The following LUZP2 variants were observed in gnomAD, a reference collection of about 807,000 sequenced individuals.
The protein encoded by LUZP2 is leucine zipper protein 2.
LUZP2 carries 52 observed loss-of-function variants against 51.6 expected under a neutral mutation model. That is an observed-to-expected ratio of 1.01 (90% CI 0.81 to 1.27). The LOEUF is 1.27. LUZP2 is among the 50% of genes most tolerant of loss of function. The probability of loss-of-function intolerance (pLI) is 0.00; values close to 1 mark genes in which losing one functional copy is unlikely to be tolerated. For synonymous variants in LUZP2, 154 were observed against 137.3 expected (o/e 1.12, Z -0.85); for missense variants, 436 against 395.4 (o/e 1.10, Z -0.87).
Position 24,527,907 on chromosome 11 carries a change from T to C in LUZP2, c.62+30602T>C, listed in dbSNP as rs12279844. ...GAGCTGAATAGAGTGTGATTTATAATTGGTAGTGCTAAAGCATTTGGTTTT... is the reference window on the plus strand; with the variant it reads ...GAGCTGAATAGAGTGTGATTTATAACTGGTAGTGCTAAAGCATTTGGTTTT... On this transcript the variant is annotated intron_variant, in intron 1 of 11. Transcript: ENST00000336930. 4.1e-3 allele frequency among the ~76,000 whole-genome samples: 617 copies of C among 151,426 alleles called. 4 individuals are homozygous for C. Among genetic ancestry groups the C allele is most frequent in the African/African-American group, 0.014 (586 of 41,482 alleles).
At position 25,080,206 on chromosome 11, in the gene LUZP2, A is replaced by AT. The variant is rs1278630280; in HGVS notation, c.*1554dup. 6.6e-6 allele frequency: 1 copy of AT among 152,050 alleles called. No individual in the cohort carries two copies. Among genetic ancestry groups the AT allele is most frequent in the African/African-American group, 2.4e-5 (1 of 41,394 alleles). The allele number at this position is 152,050 out of a possible 1,614,324, so 9.4% of individuals were successfully genotyped here. ...CATGCTTTGAATTTTGAATTTTGTT[A>AT]TTTTTTGGAGGGCTAGTGATACATG... On this transcript the variant is annotated 3_prime_UTR_variant, in exon 12 of 12. Coordinates refer to ENST00000336930, the MANE Select transcript of LUZP2 (RefSeq NM_001009909.4).
At chr11:24,674,484 T>G (rs2133855851) in intron 1 of LUZP2, among the ~76,000 whole-genome samples, 1 of 152,252 alleles carries the variant, frequency 6.6e-6, no homozygotes, top group Non-Finnish European at 1.5e-5. Context: ...GACACAAAAA[T>G]AAGGTGAAGG....
rs577481473 is a variant in LUZP2, at chr11:24,591,365, G to T, written c.62+94060G>T. Among the ~76,000 whole-genome samples, 4 of 152,262 alleles carry T rather than the reference G, an allele frequency of 2.6e-5. No homozygotes were observed. The South Asian group carries it at 8.3e-4, about 32-fold the overall frequency. On this transcript the variant is annotated intron_variant, in intron 1 of 11. Transcript: ENST00000336930. ...GCTCAAGCTCTTCTCATATCCCACC[G>T]CTGATGCCTTTCTGAAGTCAAGGAT...
At chr11:24,949,320 CTA>C (rs1249853152) in intron 7 of LUZP2, among the ~76,000 whole-genome samples, 53 of 56,470 alleles carry the variant, frequency 9.4e-4, no homozygotes, top group South Asian at 3.6e-3. Flanking sequence ...ATCTATCTAT[CTA>C]TCTATCTATC....
At chr11:24,752,767 A>C (rs906538573) in intron 4 of LUZP2, among the ~76,000 whole-genome samples, 20 of 152,184 alleles carry the variant, frequency 1.3e-4, no homozygotes, top group African/African-American at 3.9e-4. Context: ...TATAATGGAA[A>C]GGAAAAAAGG....
chr11:24,507,104 T>C (rs1204433481), intron 1 of LUZP2, among the ~76,000 whole-genome samples: 1 of 152,090 alleles, frequency 6.6e-6, no homozygotes, highest in East Asian at 1.9e-4. Flanking sequence ...TAATACATGT[T>C]CTCAATTTAG....
Position 24,928,821 on chromosome 11 carries a change from T to A in LUZP2, c.522+14283T>A, listed in dbSNP as rs189874840. 9.9e-5 allele frequency among the ~76,000 whole-genome samples: 15 copies of A among 152,220 alleles called. No homozygotes were observed. The East Asian group carries it at 2.7e-3, about 27-fold the overall frequency. ...AGATTGGTACCAATTCTTCTTTGAA[T>A]GTCTTATAGAATTCAGCTGTGAATC... On this transcript the variant is annotated intron_variant, in intron 7 of 11. Transcript: ENST00000336930.
intron 1 of LUZP2, among the ~76,000 whole-genome samples, chr11:24,554,937 A>T (rs1456299509): frequency 6.6e-6 from 1 of 152,086 alleles, no homozygotes; most frequent in Non-Finnish European, 1.5e-5. Context: ...TATCAATACA[A>T]TTTGGTTTCC....
chr11:24,931,697 G>A (rs548287340), intron 7 of LUZP2, among the ~76,000 whole-genome samples: 4 of 152,258 alleles, frequency 2.6e-5, no homozygotes, highest in African/African-American at 9.6e-5. Context: ...ACTTCCTTGA[G>A]TAGCTTAACA....
At chr11:24,929,084 C>T (rs1269053316) in intron 7 of LUZP2, among the ~76,000 whole-genome samples, 2 of 148,430 alleles carry the variant, frequency 1.3e-5, no homozygotes, top group East Asian at 2.0e-4. Flanking sequence ...ATAATATATC[C>T]CCTTTCATTT....
At chr11:24,654,300 A>C (rs1855729282) in intron 1 of LUZP2, among the ~76,000 whole-genome samples, 1 of 152,204 alleles carries the variant, frequency 6.6e-6, no homozygotes, top group Non-Finnish European at 1.5e-5. Flanking sequence ...CTATTATAAA[A>C]TGTTCTGTTA....
At chr11:24,713,328 C>A (rs1221355612) in intron 1 of LUZP2, among the ~76,000 whole-genome samples, 1 of 152,038 alleles carries the variant, frequency 6.6e-6, no homozygotes, top group Admixed American at 6.6e-5. Context: ...CATTTTAATA[C>A]CCTAGCGAAA....
At chr11:24,548,115 G>C (rs1851616487) in intron 1 of LUZP2, among the ~76,000 whole-genome samples, 1 of 152,124 alleles carries the variant, frequency 6.6e-6, no homozygotes, top group African/African-American at 2.4e-5. Flanking sequence ...ATGTAAATTA[G>C]TTCAGCCACT....
intron 1 of LUZP2, among the ~76,000 whole-genome samples, chr11:24,649,972 C>CAG (rs146086509): frequency 0.52 from 69,331 of 134,222 alleles, 17,017 homozygotes; most frequent in East Asian, 0.64. Flanking sequence ...CACATACACA[C>CAG]AGAGACACAC....
At chr11:24,612,948 A>G (rs116102572) in intron 1 of LUZP2, among the ~76,000 whole-genome samples, 79 of 152,204 alleles carry the variant, frequency 5.2e-4, no homozygotes, top group African/African-American at 1.8e-3. Context: ...AGGGAACCCT[A>G]GTGGTACTAA....
At chr11:24,519,736 A>G (rs1850584111) in intron 1 of LUZP2, among the ~76,000 whole-genome samples, 1 of 152,212 alleles carries the variant, frequency 6.6e-6, no homozygotes, top group Admixed American at 6.5e-5. Flanking sequence ...TTCAGATTTT[A>G]GTAAATTATT....
At chr11:24,924,228 C>A (rs1854161510) in intron 7 of LUZP2, among the ~76,000 whole-genome samples, 1 of 152,066 alleles carries the variant, frequency 6.6e-6, no homozygotes, top group Non-Finnish European at 1.5e-5. Context: ...CAGGCACGTG[C>A]CACCACGCCC....
At chr11:24,638,091 G>A (rs1050891694) in intron 1 of LUZP2, among the ~76,000 whole-genome samples, 4 of 151,832 alleles carry the variant, frequency 2.6e-5, no homozygotes, top group South Asian at 2.1e-4. Flanking sequence ...AAGAACCTAC[G>A]TTGAAATGTT....
chr11:24,621,220 C>T (rs150325269), intron 1 of LUZP2, among the ~76,000 whole-genome samples: 1 of 152,208 alleles, frequency 6.6e-6, no homozygotes. Context: ...CTGTGTTTGA[C>T]TCTTAACATT....
Sources: allele counts gnomAD v4.1 joint callset (sites outside exome capture counted in the v4.1 genomes callset), GRCh38; gene constraint gnomAD v4.1.1; transcripts MANE v1.5; gene names NCBI Gene and HGNC (gene_info 2026-07-23, HGNC 2026-07-21).